NSRP1: variants seen among roughly 807,000 people sequenced by gnomAD.
NSRP1 encodes the protein coiled-coil domain containing 55.
A neutral mutation model predicts 54.7 loss-of-function variants in NSRP1; 24 were observed. The ratio of observed to expected loss-of-function variants is 0.44; its 90% CI spans 0.32 to 0.62. NSRP1 has a LOEUF of 0.62. Among genes scored for constraint, NSRP1 ranks in the 20% least tolerant of loss-of-function variants. NSRP1 has a pLI of 0.06. For missense variants in NSRP1, 596 were observed against 651.2 expected, an observed-to-expected ratio of 0.92 and a Z score of 0.92; for synonymous variants, 210 against 213.8, an observed-to-expected ratio of 0.98 and a Z score of 0.15.
intron 2 of NSRP1, among the ~76,000 whole-genome samples, chr17:30,172,014 T>TCTCTCTCACA (rs144705088): frequency 0.12 from 16,270 of 130,558 alleles, 1,628 homozygotes; most frequent in Non-Finnish European, 0.18. Context: ...TCTCTCTCTC[T>TCTCTCTCACA]CACATGTTCA....
intron 2 of NSRP1, among the ~76,000 whole-genome samples, chr17:30,140,976 G>C (rs1391506067): frequency 6.6e-6 from 1 of 152,052 alleles, no homozygotes; most frequent in Non-Finnish European, 1.5e-5. Flanking sequence ...ACCACATCTG[G>C]CTAATTTAAA....
chr17:30,152,468 T>C (rs2071921572), intron 2 of NSRP1, among the ~76,000 whole-genome samples: 1 of 150,198 alleles, frequency 6.7e-6, no homozygotes, highest in African/African-American at 2.4e-5. Context: ...TGGTTTTAGC[T>C]ACACAGATTT....
At chr17:30,184,497 A>C (rs1325852552) in intron 6 of NSRP1, 118 bp from the exon 7 acceptor site, 4 of 1,297,284 alleles carry the variant, frequency 3.1e-6, no homozygotes, top group Non-Finnish European at 4.1e-6. Flanking sequence ...CAGACAGTAT[A>C]TATCACTATA....
At chr17:30,121,170 A>C (rs962736049) in intron 2 of NSRP1, among the ~76,000 whole-genome samples, 1 of 152,180 alleles carries the variant, frequency 6.6e-6, no homozygotes, top group Non-Finnish European at 1.5e-5. Flanking sequence ...TTTCGTATAA[A>C]ATTTCAACTT....
intron 2 of NSRP1, among the ~76,000 whole-genome samples, chr17:30,140,329 C>CT (rs1320378629): frequency 6.6e-6 from 1 of 151,984 alleles, no homozygotes; most frequent in Non-Finnish European, 1.5e-5. Context: ...ATATTGACAG[C>CT]TAAACCCATG....
intron 2 of NSRP1, among the ~76,000 whole-genome samples, chr17:30,156,120 G>A (rs770047051): frequency 3.3e-5 from 5 of 151,812 alleles, no homozygotes; most frequent in East Asian, 2.0e-4. Flanking sequence ...GATTACAGGC[G>A]TGAGCCACCA....
At chr17:30,143,931 A>G (rs930032627) in intron 2 of NSRP1, 3 of 152,264 alleles carry the variant, frequency 2.0e-5, no homozygotes, top group Non-Finnish European at 2.9e-5. Context: ...AAAACATCTC[A>G]TGTACCCCAT....
At chr17:30,143,296 GT>G (rs1328419732) in intron 2 of NSRP1, among the ~76,000 whole-genome samples, 10 of 152,130 alleles carry the variant, frequency 6.6e-5, no homozygotes, top group Non-Finnish European at 1.5e-4. Context: ...TATTAGTTTA[GT>G]AATAATTTGA....
intron 2 of NSRP1, among the ~76,000 whole-genome samples, chr17:30,125,415 T>TAAGATC (rs2071640992): frequency 6.6e-6 from 1 of 152,212 alleles, no homozygotes; most frequent in Admixed American, 6.5e-5. Context: ...CAGCAGCATT[T>TAAGATC]AAGATCAGAT....
chr17:30,127,503 C>T (rs2071661070), intron 2 of NSRP1, among the ~76,000 whole-genome samples: 1 of 152,192 alleles, frequency 6.6e-6, no homozygotes, highest in South Asian at 2.1e-4. Flanking sequence ...CAACCTCTAC[C>T]TTCTGGGCTC....
At chr17:30,137,735 A>T (rs1055525679) in intron 2 of NSRP1, among the ~76,000 whole-genome samples, 2 of 152,172 alleles carry the variant, frequency 1.3e-5, no homozygotes, top group Non-Finnish European at 2.9e-5. Flanking sequence ...AATTACATTG[A>T]TAGATTTTTT....
At chr17:30,130,212 C>T (rs1245775644) in intron 2 of NSRP1, among the ~76,000 whole-genome samples, 1 of 152,206 alleles carries the variant, frequency 6.6e-6, no homozygotes, top group Admixed American at 6.5e-5. Flanking sequence ...TCTCCCACCT[C>T]AGCCTCCCAA....
chr17:30,185,537 G>C lies in NSRP1; in HGVS notation c.1540G>C (p.Glu514Gln), dbSNP rs1391773763. Reference sequence around the variant, plus strand: ...AGGGCAAGAGAAGGGTAAAGAACAAGAGAGACCACCTGAGGCAGTGAGCAA... The same window carrying C: ...AGGGCAAGAGAAGGGTAAAGAACAACAGAGACCACCTGAGGCAGTGAGCAA... ...EEGQEKGKEQERPPEAVSKFA... is the reference protein window; with the variant it reads ...EEGQEKGKEQQRPPEAVSKFA... The change falls in exon 7 of 7, where the codon GAG (glutamate) becomes CAG (glutamine). Residue 514 changes from glutamate (E) to glutamine (Q), a missense_variant. Transcript: ENST00000247026. 3 of 1,614,174 alleles carry C rather than the reference G, an allele frequency of 1.9e-6. No individual in the cohort carries two copies. In the Admixed American group the frequency reaches 5.0e-5, roughly 27 times the overall value.
At chr17:30,149,732 G>C (rs2143003365) in intron 2 of NSRP1, among the ~76,000 whole-genome samples, 1 of 151,856 alleles carries the variant, frequency 6.6e-6, no homozygotes, top group Admixed American at 6.6e-5. Context: ...CCACACAGGA[G>C]GCTGAGGCAG....
At chr17:30,159,909 G>A (rs978874443) in intron 2 of NSRP1, among the ~76,000 whole-genome samples, 12 of 152,068 alleles carry the variant, frequency 7.9e-5, no homozygotes, top group Non-Finnish European at 1.3e-4. Context: ...TGATCTGCTC[G>A]CCTTGGCCTC....
At chr17:30,171,958 ACACACACACACACACTCCCTCTCT>A (rs1407413624) in intron 2 of NSRP1, among the ~76,000 whole-genome samples, 10 of 135,334 alleles carry the variant, frequency 7.4e-5, no homozygotes, top group African/African-American at 2.8e-4. Flanking sequence ...ACACACACAC[ACACACACACACACACTCCCTCTCT>A]CTCTCTCTCT....
At chr17:30,122,228 A>G (rs1303651495) in intron 2 of NSRP1, among the ~76,000 whole-genome samples, 2 of 150,480 alleles carry the variant, frequency 1.3e-5, no homozygotes, top group Non-Finnish European at 3.0e-5. Context: ...AATTTCTGGC[A>G]ATAATGCTGC....
In NSRP1 at chr17:30,172,682, G is replaced by A. The variant is rs537894580; in HGVS notation, c.171+84G>A. 3 of 1,012,728 alleles carry A rather than the reference G, an allele frequency of 3.0e-6. No individual in the cohort carries two copies. In the African/African-American group the frequency reaches 4.9e-5, roughly 17 times the overall value. 62.7% of individuals were successfully genotyped at this position (1,012,728 alleles called of 1,614,324 possible). On this transcript the variant is annotated intron_variant, in intron 3 of 6. Transcript: ENST00000247026. ...ATCAGTTTTGGTATCTAGGTGCTGA[G>A]ACTAAAACAGAATAGATTTAAGGAA...
intron 6 of NSRP1, among the ~76,000 whole-genome samples, chr17:30,183,231 A>G (rs72827906): frequency 3.4e-4 from 52 of 150,896 alleles, no homozygotes; most frequent in East Asian, 3.9e-4. Flanking sequence ...AAAAAAAAAA[A>G]TTTTTTTTAA....
Sources: allele counts gnomAD v4.1 joint callset (sites outside exome capture counted in the v4.1 genomes callset), GRCh38; gene constraint gnomAD v4.1.1; transcripts MANE v1.5; gene names NCBI Gene and HGNC (gene_info 2026-07-23, HGNC 2026-07-21).